Variants in OTUD7A observed in about 807,000 individuals in gnomAD.
OTUD7A encodes the protein OTU domain-containing protein 7A.
Under a neutral mutation model 65.7 loss-of-function variants are expected in OTUD7A, and 12 were observed. The observed-to-expected ratio is 0.18, with a 90% CI of 0.12 to 0.30. The LOEUF (loss-of-function observed/expected upper bound fraction) is 0.30. Ranked by LOEUF, OTUD7A falls within the 10% of genes least tolerant of loss-of-function variation. OTUD7A has a pLI of 1.00. For synonymous variants in OTUD7A, 641 were observed against 586.3 expected, an observed-to-expected ratio of 1.09 and a Z score of -1.35; for missense variants, 1,148 against 1,304.8, an observed-to-expected ratio of 0.88 and a Z score of 1.85.
rs1398694572 is a variant in OTUD7A, at chr15:31,484,029, A to G, written c.2067T>C (p.Ala689=). ...CCGTGGCGGCGGCGGCGGCGGCGGC[A>G]GCGGCGGCCGCAGTAGCGGCGTCGC... is the stretch of plus-strand genomic sequence containing the variant. ...RRRDAATAAA[A]AAAAAAATAK... The change falls in exon 13 of 13, where the codon GCT becomes GCC. Residue 689 remains alanine (A), a synonymous_variant. Coordinates refer to ENST00000307050, the MANE Select transcript of OTUD7A (RefSeq NM_001382637.1). This position sits in a 1 kb window ranked among gnomAD's most constrained non-coding sequence, Gnocchi z 4.5. 2.7e-5 allele frequency: 32 copies of G among 1,169,176 alleles called. No individual in the cohort carries two copies. The highest frequency in any genetic ancestry group is 5.0e-5 in the African/African-American group (3 of 59,686). 72.4% of individuals were successfully genotyped at this position (1,169,176 alleles called of 1,614,324 possible).
intron 5 of OTUD7A, among the ~76,000 whole-genome samples, chr15:31,536,342 T>G (rs1353135062): frequency 6.6e-6 from 1 of 152,248 alleles, no homozygotes; most frequent in Non-Finnish European, 1.5e-5. Context: ...TGCTTCAAGC[T>G]TATGAGTGGT....
rs956600571 is a variant in OTUD7A, at chr15:31,476,737, A to C, written c.*6557T>G. Reference sequence around the variant, plus strand: ...AAGAGAAATGACAGCAAAACCACGGAAGTGGATTAAACAGGAGGACAAAGC... The same window carrying C: ...AAGAGAAATGACAGCAAAACCACGGCAGTGGATTAAACAGGAGGACAAAGC... On this transcript the variant is annotated 3_prime_UTR_variant, in exon 13 of 13. Coordinates refer to ENST00000307050, the MANE Select transcript of OTUD7A (RefSeq NM_001382637.1). 1 of 152,296 alleles carries C rather than the reference A, an allele frequency of 6.6e-6. No homozygotes were observed. Among genetic ancestry groups the C allele is most frequent in the Non-Finnish European group, 1.5e-5 (1 of 68,066 alleles). 9.4% of individuals were successfully genotyped at this position (152,296 alleles called of 1,614,324 possible). A position where few individuals can be genotyped will look rare whatever the true frequency, so the allele number is the denominator to read the frequency against.
chr15:31,760,033 C>T (rs933534726), intron 1 of OTUD7A, among the ~76,000 whole-genome samples: 2 of 152,108 alleles, frequency 1.3e-5, no homozygotes. Context: ...TTTGTTATTC[C>T]CCAAGATGAC....
At chr15:31,813,127 A>G (rs981657857) in intron 1 of OTUD7A, among the ~76,000 whole-genome samples, 1 of 152,210 alleles carries the variant, frequency 6.6e-6, no homozygotes, top group African/African-American at 2.4e-5. Context: ...CATGTGCTCA[A>G]TAGAGATCCT....
chr15:31,565,365 A>G (rs1888833343), intron 4 of OTUD7A, among the ~76,000 whole-genome samples: 1 of 152,212 alleles, frequency 6.6e-6, no homozygotes, highest in Non-Finnish European at 1.5e-5. Context: ...GCAAATGACT[A>G]ATAAGAGAAT....
intron 3 of OTUD7A, among the ~76,000 whole-genome samples, chr15:31,604,107 G>A (rs1279109896): frequency 6.6e-6 from 1 of 152,116 alleles, no homozygotes; most frequent in Non-Finnish European, 1.5e-5. Context: ...TATACCCAAA[G>A]GATTATAAAT....
At chr15:31,866,921 A>AGC (rs1192871650) in intron 1 of OTUD7A, among the ~76,000 whole-genome samples, 1 of 152,218 alleles carries the variant, frequency 6.6e-6, no homozygotes, top group Non-Finnish European at 1.5e-5. Context: ...GCCCAGTCAT[A>AGC]GCACTGGGCT....
Position 31,530,828 on chromosome 15 carries a change from T to G in OTUD7A, c.551-20A>C. On this transcript the variant is annotated intron_variant, in intron 5 of 12. Coordinates refer to ENST00000307050, the MANE Select transcript of OTUD7A (RefSeq NM_001382637.1). ...GGCGACCTGGAAAAGAAGCTCACTT[T>G]AGAACAGGATCCCAGAAAAGGAAGG... 6.2e-7 allele frequency: 1 copy of G among 1,606,304 alleles called. No individual in the cohort carries two copies.
intron 1 of OTUD7A, among the ~76,000 whole-genome samples, chr15:31,682,299 A>G (rs1892736088): frequency 6.6e-6 from 1 of 152,252 alleles, no homozygotes; most frequent in Non-Finnish European, 1.5e-5. Context: ...TACCACAGTT[A>G]AGATGTCAAG....
At chr15:31,655,574 A>G (rs1010949095) in intron 2 of OTUD7A, among the ~76,000 whole-genome samples, 1 of 152,090 alleles carries the variant, frequency 6.6e-6, no homozygotes, top group Non-Finnish European at 1.5e-5. Context: ...GCCATCTATG[A>G]AGCAGGAAAT....
At chr15:31,826,648 A>T (rs62002735) in intron 1 of OTUD7A, among the ~76,000 whole-genome samples, 6,116 of 152,310 alleles carry the variant, frequency 0.04, 187 homozygotes, top group Non-Finnish European at 0.058. Context: ...TCCTAGGAAA[A>T]TAGGATTTTC....
At position 31,475,421 on chromosome 15, in the gene OTUD7A, A is replaced by G. The variant is rs1372067623; in HGVS notation, c.*7873T>C. On this transcript the variant is annotated 3_prime_UTR_variant, in exon 13 of 13. Transcript: ENST00000307050. ...AATACTTTACAAACATGTTAATTTT[A>G]TTGAGTAGGCATCAAAGCTTCTCTC... The G allele has an allele frequency of 6.6e-6, 1 of 152,226 alleles. No homozygotes were observed. The highest frequency in any genetic ancestry group is 6.5e-5 in the Admixed American group (1 of 15,282). 9.4% of individuals were successfully genotyped at this position (152,226 alleles called of 1,614,324 possible). A position where few individuals can be genotyped will look rare whatever the true frequency, so the allele number is the denominator to read the frequency against.
At chr15:31,533,225 G>A (rs1165853761) in intron 5 of OTUD7A, among the ~76,000 whole-genome samples, 1 of 149,546 alleles carries the variant, frequency 6.7e-6, no homozygotes, top group African/African-American at 2.5e-5. Flanking sequence ...CCAGAAGGAA[G>A]CAGGATAAAT....
At chr15:31,867,778 G>T (rs1201742287) in intron 1 of OTUD7A, among the ~76,000 whole-genome samples, 1 of 152,168 alleles carries the variant, frequency 6.6e-6, no homozygotes, top group Non-Finnish European at 1.5e-5. Flanking sequence ...CAAAGACATG[G>T]AGCCACTGAA....
chr15:31,856,080 T>C lies in OTUD7A; in HGVS notation c.-100+14427A>G, dbSNP rs1897564568. On this transcript the variant is annotated intron_variant, in intron 1 of 12. Coordinates refer to ENST00000307050, the MANE Select transcript of OTUD7A (RefSeq NM_001382637.1). Reference sequence around the variant, plus strand: ...AAGAAAGGGAACTTTTAGAAACTTTTATGCTCTAAGAAATAAGACATGTAA... The same window carrying C: ...AAGAAAGGGAACTTTTAGAAACTTTCATGCTCTAAGAAATAAGACATGTAA... Among the ~76,000 whole-genome samples the C allele has an allele frequency of 2.0e-5, 3 of 152,220 alleles. No individual in the cohort carries two copies. In the South Asian group the frequency reaches 6.2e-4, roughly 32 times the overall value.
At chr15:31,543,863 T>C (rs1330057540) in intron 5 of OTUD7A, among the ~76,000 whole-genome samples, 1 of 151,676 alleles carries the variant, frequency 6.6e-6, no homozygotes, top group Non-Finnish European at 1.5e-5. Flanking sequence ...AACCAATAAA[T>C]GTACAGAAGA....
intron 5 of OTUD7A, among the ~76,000 whole-genome samples, chr15:31,542,175 C>T (rs545523133): frequency 3.9e-5 from 6 of 152,146 alleles, no homozygotes; most frequent in Non-Finnish European, 7.4e-5. Context: ...ACAAACACAA[C>T]AGAAAACAAG....
rs1244976551 is a variant in OTUD7A at position 31,477,816 on chromosome 15, A to G, written c.*5478T>C. ...AGATGGGGAGGCGAGAATCAAATAAATGGATGAATGATTAACATCTGCAGC... is the reference window on the plus strand; with the variant it reads ...AGATGGGGAGGCGAGAATCAAATAAGTGGATGAATGATTAACATCTGCAGC... On this transcript the variant is annotated 3_prime_UTR_variant, in exon 13 of 13. Transcript: ENST00000307050. The G allele has an allele frequency of 7.0e-6, 1 of 142,986 alleles. No homozygotes were observed. The highest frequency in any genetic ancestry group is 1.5e-5 in the Non-Finnish European group (1 of 64,970). The allele number at this position is 142,986 out of a possible 1,614,324, so 8.9% of individuals were successfully genotyped here.
rs576650785 is a variant in OTUD7A at position 31,665,722 on chromosome 15, C to T, written c.-99-8645G>A. Among the ~76,000 whole-genome samples, 7 of 152,260 alleles carry T rather than the reference C, an allele frequency of 4.6e-5. No homozygotes were observed. The East Asian group carries it at 1.3e-3, about 29-fold the overall frequency. ...GAAGAGGAGTGGTGAGAGTGGGCAT[C>T]CTTGTCTTGTTCCAGTTCTCAGAGG... On this transcript the variant is annotated intron_variant, in intron 1 of 12. Coordinates refer to ENST00000307050, the MANE Select transcript of OTUD7A (RefSeq NM_001382637.1).
Sources: gnomAD v4.1 joint callset for allele counts (sites outside exome capture counted in the v4.1 genomes callset) on GRCh38, gnomAD v4.1.1 for gene constraint, Gnocchi (gnomAD v3.1) non-coding constraint, MANE v1.5 for transcripts, NCBI Gene and HGNC (gene_info 2026-07-23, HGNC 2026-07-21) for gene names.